The following STXBP5L variants were observed in gnomAD, a reference collection of about 807,000 sequenced individuals.
The protein encoded by STXBP5L is syntaxin binding protein 5L, also known as syntaxin-binding protein 5-like.
Under a neutral mutation model 144.5 loss-of-function variants are expected in STXBP5L, and 65 were observed. The ratio of observed to expected loss-of-function variants is 0.45; its 90% confidence interval spans 0.37 to 0.55. STXBP5L has a LOEUF of 0.55. Among genes scored for constraint, STXBP5L ranks in the 20% least tolerant of loss-of-function variants. STXBP5L has a pLI of 0.00. For missense variants in STXBP5L, 1,298 were observed against 1,405.5 expected (o/e 0.92, Z 1.22); for synonymous variants, 505 against 469.6 (o/e 1.08, Z -0.97).
chr3:121,002,773 T>G (rs944178805), intron 3 of STXBP5L, among the ~76,000 whole-genome samples: 45 of 151,410 alleles, frequency 3.0e-4, no homozygotes, highest in African/African-American at 1.0e-3. Context: ...TTCTCATTGT[T>G]CAATTCCCAG....
At chr3:121,184,249 G>A (rs571102117) in intron 9 of STXBP5L, among the ~76,000 whole-genome samples, 1 of 151,732 alleles carries the variant, frequency 6.6e-6, no homozygotes, top group African/African-American at 2.4e-5. Flanking sequence ...TCAGAAGATG[G>A]GTAATAACAA....
At chr3:121,241,349 C>T (rs369239963) in intron 14 of STXBP5L, among the ~76,000 whole-genome samples, 36 of 149,886 alleles carry the variant, frequency 2.4e-4, no homozygotes, top group African/African-American at 9.0e-4. Context: ...AATCTCTCTA[C>T]TTAGGTTTAA....
chr3:121,391,027 A>G (rs532544723), intron 22 of STXBP5L, among the ~76,000 whole-genome samples: 3 of 152,120 alleles, frequency 2.0e-5, no homozygotes, highest in African/African-American at 7.2e-5. Context: ...CACCAATCAG[A>G]CGTAAATTTG....
At chr3:121,335,614 T>C (rs1224336993) in intron 20 of STXBP5L, among the ~76,000 whole-genome samples, 1 of 152,048 alleles carries the variant, frequency 6.6e-6, no homozygotes, top group Non-Finnish European at 1.5e-5. Flanking sequence ...CATAGACCAA[T>C]TGAACAGAAT....
intron 3 of STXBP5L, among the ~76,000 whole-genome samples, chr3:121,028,768 T>G (rs1300929308): frequency 6.6e-6 from 1 of 152,114 alleles, no homozygotes; most frequent in Non-Finnish European, 1.5e-5. Flanking sequence ...TCACTTCTGT[T>G]ACTTTGCTTC....
At chr3:121,181,049 G>A (rs1335990462) in intron 9 of STXBP5L, among the ~76,000 whole-genome samples, 1 of 146,322 alleles carries the variant, frequency 6.8e-6, no homozygotes, top group African/African-American at 2.5e-5. Flanking sequence ...TAAATGGCCT[G>A]AGATTGTGCC....
chr3:121,302,631 A>G (rs958447372), intron 19 of STXBP5L, among the ~76,000 whole-genome samples: 1 of 151,982 alleles, frequency 6.6e-6, no homozygotes, highest in Non-Finnish European at 1.5e-5. Flanking sequence ...TTTAATTGTG[A>G]TGTTAGGGTA....
intron 7 of STXBP5L, among the ~76,000 whole-genome samples, chr3:121,123,823 A>C (rs906871440): frequency 6.6e-6 from 1 of 151,772 alleles, no homozygotes; most frequent in Admixed American, 6.6e-5. Context: ...TACTTCTTGT[A>C]TATCAGTTTT....
chr3:120,997,096 C>G (rs753321491), intron 3 of STXBP5L, among the ~76,000 whole-genome samples: 19 of 152,018 alleles, frequency 1.2e-4, no homozygotes, highest in Non-Finnish European at 1.8e-4. Context: ...TGGCCTCTAG[C>G]TCCATCCATG....
At chr3:120,911,432 C>T (rs1256714623) in intron 2 of STXBP5L, among the ~76,000 whole-genome samples, 1 of 152,050 alleles carries the variant, frequency 6.6e-6, no homozygotes, top group Non-Finnish European at 1.5e-5. Flanking sequence ...TGCTAGTTGA[C>T]AGCCATATAC....
At chr3:121,314,823 A>C (rs1185023211) in intron 19 of STXBP5L, among the ~76,000 whole-genome samples, 1 of 152,228 alleles carries the variant, frequency 6.6e-6, no homozygotes, top group African/African-American at 2.4e-5. Context: ...AAATGGGCAA[A>C]GGATATGAAC....
intron 2 of STXBP5L, among the ~76,000 whole-genome samples, chr3:120,931,688 C>G (rs1709947960): frequency 6.6e-6 from 1 of 152,200 alleles, no homozygotes; most frequent in East Asian, 1.9e-4. Context: ...CATTATTAGG[C>G]AACAATTTGT....
intron 3 of STXBP5L, among the ~76,000 whole-genome samples, chr3:121,001,348 G>A (rs996400885): frequency 3.3e-5 from 5 of 152,336 alleles, no homozygotes; most frequent in South Asian, 2.1e-4. Flanking sequence ...AGAGATCCTC[G>A]GGAATTCTTG....
chr3:121,359,354 T>C (rs2045631068), intron 20 of STXBP5L, among the ~76,000 whole-genome samples: 1 of 152,206 alleles, frequency 6.6e-6, no homozygotes, highest in South Asian at 2.1e-4. Flanking sequence ...TTTTGGTTAG[T>C]AATTCCTTAT....
chr3:121,101,343 G>A (rs9873947), intron 5 of STXBP5L, among the ~76,000 whole-genome samples: 79,682 of 151,896 alleles, frequency 0.52, 21,456 homozygotes, highest in African/African-American at 0.62. Flanking sequence ...AAAATCCTCA[G>A]CAGAATACTA....
At chr3:121,254,030 ACT>A (rs2050128844) in intron 15 of STXBP5L, among the ~76,000 whole-genome samples, 1 of 150,682 alleles carries the variant, frequency 6.6e-6, no homozygotes, top group African/African-American at 2.4e-5. Flanking sequence ...AGTTTTAAAA[ACT>A]CTGGAAAAGT....
intron 3 of STXBP5L, among the ~76,000 whole-genome samples, chr3:121,019,779 T>C (rs185795463): frequency 2.0e-5 from 3 of 152,300 alleles, no homozygotes; most frequent in African/African-American, 4.8e-5. Context: ...ACAGCAGCCC[T>C]TGAGTCCCAG....
At position 120,935,582 on chromosome 3, in the gene STXBP5L, G is replaced by A. The variant is rs145508337; in HGVS notation, c.190-19358G>A. The stretch of plus-strand genomic sequence containing the variant: ...CTGGTGACAAATTCCCTCAATTTTT[G>A]TTTGTTCAAGAAGGTTATTTCTCCT... On this transcript the variant is annotated intron_variant, in intron 2 of 26. Coordinates refer to ENST00000471454, the MANE Select transcript of STXBP5L (RefSeq NM_001308330.2). Among the ~76,000 whole-genome samples, 64 of 151,978 alleles carry A rather than the reference G, an allele frequency of 4.2e-4. No homozygotes were observed. The East Asian group carries it at 0.011, about 26-fold the overall frequency.
chr3:120,991,710 G>T (rs1293894490), intron 3 of STXBP5L, among the ~76,000 whole-genome samples: 3 of 150,834 alleles, frequency 2.0e-5, no homozygotes, highest in East Asian at 3.9e-4. Flanking sequence ...CTATCACAAG[G>T]ACAAAAAACC....
Sources: allele counts gnomAD v4.1 joint callset (sites outside exome capture counted in the v4.1 genomes callset), GRCh38; gene constraint gnomAD v4.1.1; transcripts MANE v1.5; gene names NCBI Gene and HGNC (gene_info 2026-07-23, HGNC 2026-07-21).